The following CCDC102B variants were observed in gnomAD, a reference collection of about 807,000 sequenced individuals.
The protein encoded by CCDC102B is coiled-coil domain-containing protein 102B.
Under a neutral mutation model 57.4 loss-of-function variants are expected in CCDC102B, and 75 were observed. The ratio of observed to expected loss-of-function variants is 1.31; its 90% CI spans 1.08 to 1.58. The LOEUF (loss-of-function observed/expected upper bound fraction) is 1.58, where lower values mean the gene tolerates loss of function less well. CCDC102B is among the 40% of genes most tolerant of loss of function. The pLI, the probability that CCDC102B is intolerant of heterozygous loss-of-function variation, is 0.00. For synonymous variants in CCDC102B, 206 were observed against 201.9 expected (o/e 1.02, Z -0.17); for missense variants, 636 against 582.6 (o/e 1.09, Z -0.94).
chr18:68,897,872 G>C (rs2040299628), intron 6 of CCDC102B: 1 of 206,796 alleles, frequency 4.8e-6, no homozygotes, highest in Non-Finnish European at 9.9e-6. Context: ...CTGCTTTCTG[G>C]TTCTTTTTTG....
chr18:68,810,680 G>GTTT lies in CCDC102B; in HGVS notation c.-16+12524_-16+12526dup, dbSNP rs61714863. On this transcript the variant is annotated intron_variant, in intron 1 of 7. Coordinates refer to ENST00000360242, the MANE Select transcript of CCDC102B (RefSeq NM_024781.3). ...TGAAAAATTTTCTTTTCTTTTCTTT[G>GTTT]TTTTTTTTTTTTTTTTTTTTTTTTT... Among the ~76,000 whole-genome samples, 167 of 77,018 alleles carry GTTT rather than the reference G, an allele frequency of 2.2e-3. 8 individuals carry two copies. The highest frequency in any genetic ancestry group is 2.5e-3 in the Non-Finnish European group (104 of 41,520). 50.5% of individuals were successfully genotyped at this position (77,018 alleles called of 152,430 possible).
rs1231345818 is a variant in CCDC102B at position 69,010,982 on chromosome 18, C to T, written c.1312C>T (p.Gln438Ter). The change falls in exon 7 of 8, where the codon CAG becomes TAG. Residue 438 changes from glutamine (Q) to a stop codon, truncating the protein, a stop_gained. Coordinates refer to ENST00000360242, the MANE Select transcript of CCDC102B (RefSeq NM_024781.3). LOFTEE classifies it high-confidence loss of function. ...HAYYKLNRQY[Q>*]ANIAELTHAN... ...CTACTATAAACTAAACAGACAATAC[C>T]AGGCAAATATTGCAGAACTGACTCA... The T allele has an allele frequency of 5.6e-6, 9 of 1,612,468 alleles. No individual in the cohort carries two copies. The highest frequency in any genetic ancestry group is 5.9e-6 in the Non-Finnish European group (7 of 1,179,094).
chr18:68,747,219 TC>T (rs1322576836), intron 2 of CCDC102B, among the ~76,000 whole-genome samples: 1 of 152,042 alleles, frequency 6.6e-6, no homozygotes, highest in Non-Finnish European at 1.5e-5. Flanking sequence ...ACCATTCTTT[TC>T]CTGTTCTCTT....
At chr18:68,967,520 A>T (rs1446134405) in intron 6 of CCDC102B, among the ~76,000 whole-genome samples, 1 of 152,190 alleles carries the variant, frequency 6.6e-6, no homozygotes, top group Non-Finnish European at 1.5e-5. Context: ...GGACAATTTC[A>T]TGAACAGTTT....
At position 69,054,132 on chromosome 18, in the gene CCDC102B, T is replaced by A; in HGVS notation, c.1537T>A (p.Trp513Arg). 2.5e-6 allele frequency: 4 copies of A among 1,594,646 alleles called. No individual in the cohort carries two copies. In the South Asian group the frequency reaches 4.6e-5, roughly 18 times the overall value. The change falls in exon 8 of 8, where the codon TGG (tryptophan) becomes AGG (arginine). Residue 513 changes from tryptophan to arginine, a missense_variant. Trp to Arg is a moderately radical substitution (Grantham distance 101). Coordinates refer to ENST00000360242, the MANE Select transcript of CCDC102B (RefSeq NM_024781.3). ...LETELRHLQN[W>R] ...GACTGAACTCAGGCACTTGCAAAACTGGTAATTTTTTCACAAAATATGCTG... is the reference window on the plus strand; with the variant it reads ...GACTGAACTCAGGCACTTGCAAAACAGGTAATTTTTTCACAAAATATGCTG...
chr18:69,006,053 A>G (rs2051332041), intron 6 of CCDC102B, among the ~76,000 whole-genome samples: 1 of 152,064 alleles, frequency 6.6e-6, no homozygotes. Context: ...TTTTTTTACC[A>G]TTAAAGCATA....
intron 5 of CCDC102B, 166 bp downstream of exon 5, chr18:68,874,951 G>T: frequency 2.1e-6 from 1 of 487,300 alleles, no homozygotes; most frequent in Non-Finnish European, 3.7e-6. Context: ...GCTGTGGAAT[G>T]ACATTGGCCC....
chr18:68,729,954 A>T (rs571339202), intron 2 of CCDC102B, among the ~76,000 whole-genome samples: 1 of 152,346 alleles, frequency 6.6e-6, no homozygotes, highest in East Asian at 1.9e-4. Context: ...ATTTTATAGA[A>T]GAGGAAATGT....
At chr18:68,843,456 G>A (rs1419455306) in intron 3 of CCDC102B, among the ~76,000 whole-genome samples, 2 of 151,768 alleles carry the variant, frequency 1.3e-5, no homozygotes, top group African/African-American at 4.8e-5. Flanking sequence ...TAATATTCTT[G>A]TCTAGAAATT....
intron 2 of CCDC102B, among the ~76,000 whole-genome samples, chr18:68,772,008 C>A (rs750744886): frequency 1.3e-5 from 2 of 151,880 alleles, no homozygotes; most frequent in Admixed American, 1.3e-4. Context: ...ATTGTTTCAC[C>A]ATGCACTTTT....
intron 2 of CCDC102B, among the ~76,000 whole-genome samples, chr18:68,757,849 C>T (rs1320356604): frequency 1.3e-5 from 2 of 152,136 alleles, no homozygotes; most frequent in Non-Finnish European, 2.9e-5. Context: ...AAAGTCAGTG[C>T]ATGAGCAAAT....
intron 7 of CCDC102B, among the ~76,000 whole-genome samples, chr18:69,031,745 G>T (rs544069872): frequency 1.3e-5 from 2 of 152,134 alleles, no homozygotes; most frequent in East Asian, 3.9e-4. Flanking sequence ...CTCACTAGTA[G>T]ATTATCACCT....
At position 68,785,099 on chromosome 18, in the gene CCDC102B, T is replaced by C. The variant is rs982093457; in HGVS notation, c.-66-38267T>C. Among the ~76,000 whole-genome samples, 4 of 151,714 alleles carry C rather than the reference T, an allele frequency of 2.6e-5. 1 individual carries two copies. The highest frequency in any genetic ancestry group is 2.6e-4 in the Admixed American group (4 of 15,234). ...GGTGTTTGGTTTTTTGTTCTTGCGA[T>C]AGTTCACTGAGAATGATGACTTCCA... On this transcript the variant is annotated intron_variant, in intron 2 of 3. Transcript: ENST00000578970.
At chr18:68,825,285 G>A (rs1477986) in intron 1 of CCDC102B, among the ~76,000 whole-genome samples, 27,846 of 152,062 alleles carry the variant, frequency 0.18, 2,716 homozygotes, top group Non-Finnish European at 0.23. Context: ...TGAATAGAAA[G>A]CTTTTCTCAT....
At chr18:68,715,232 C>T (rs150531716), upstream of CCDC102B, 8,405 of 1,351,944 alleles carry the variant, frequency 6.2e-3, 45 homozygotes, top group Non-Finnish European at 7.1e-3. Context: ...CCTTTGCGCT[C>T]TCGGTGCCCC....
intron 5 of CCDC102B, among the ~76,000 whole-genome samples, chr18:68,875,556 T>A (rs1356259277): frequency 6.6e-6 from 1 of 152,076 alleles, no homozygotes; most frequent in African/African-American, 2.4e-5. Flanking sequence ...TTGTATTAGG[T>A]TTTCTTCCTT....
intron 7 of CCDC102B, among the ~76,000 whole-genome samples, chr18:69,043,245 G>A (rs939901692): frequency 2.6e-5 from 4 of 152,152 alleles, no homozygotes; most frequent in African/African-American, 9.7e-5. Flanking sequence ...CCCTAAGGAG[G>A]TTTTTCCCTA....
chr18:68,919,198 C>A (rs1055036356), intron 6 of CCDC102B, among the ~76,000 whole-genome samples: 1 of 151,594 alleles, frequency 6.6e-6, no homozygotes, highest in African/African-American at 2.4e-5. Context: ...TACTAGTTAC[C>A]AACACAAAAT....
intron 6 of CCDC102B, among the ~76,000 whole-genome samples, chr18:68,935,387 A>G (rs921712976): frequency 6.6e-6 from 1 of 151,934 alleles, no homozygotes; most frequent in Non-Finnish European, 1.5e-5. Context: ...GACATTAATG[A>G]TATAGAAATG....
Sources: gnomAD v4.1 joint callset for allele counts (sites outside exome capture counted in the v4.1 genomes callset) on GRCh38, gnomAD v4.1.1 for gene constraint, MANE v1.5 for transcripts, NCBI Gene and HGNC (gene_info 2026-07-23, HGNC 2026-07-21) for gene names.